Variants in HSPBAP1 observed in about 807,000 individuals in gnomAD.
HSPBAP1 encodes the protein HSPB1 associated protein 1, also known as HSPB1-associated protein 1.
A neutral mutation model predicts 45.2 loss-of-function variants in HSPBAP1; 27 were observed. That is an observed-to-expected ratio of 0.60 (90% CI 0.44 to 0.82). The LOEUF (loss-of-function observed/expected upper bound fraction) is 0.82. Among genes scored for constraint, HSPBAP1 ranks in the 40% least tolerant of loss-of-function variants. HSPBAP1 has a pLI of 0.00. For synonymous variants in HSPBAP1, 204 were observed against 202.7 expected (o/e 1.01, Z -0.06); for missense variants, 510 against 590.9 (o/e 0.86, Z 1.42).
At chr3:122,757,320 C>T (rs1934391646) in intron 4 of HSPBAP1, among the ~76,000 whole-genome samples, 1 of 152,174 alleles carries the variant, frequency 6.6e-6, no homozygotes, top group Admixed American at 6.5e-5. Context: ...CTCCAATGCA[C>T]AACATATACT....
chr3:122,758,105 T>C (rs1446852064), intron 4 of HSPBAP1, among the ~76,000 whole-genome samples: 1 of 151,556 alleles, frequency 6.6e-6, no homozygotes, highest in Non-Finnish European at 1.5e-5. Context: ...CTCCTGAATC[T>C]GCTCATAATC....
At chr3:122,766,038 A>G (rs1412948194) in intron 3 of HSPBAP1, among the ~76,000 whole-genome samples, 1 of 152,234 alleles carries the variant, frequency 6.6e-6, no homozygotes, top group Non-Finnish European at 1.5e-5. Flanking sequence ...TAAACAAACC[A>G]ACAAATTGCA....
At chr3:122,781,709 T>C (rs998967152) in intron 1 of HSPBAP1, among the ~76,000 whole-genome samples, 5 of 152,210 alleles carry the variant, frequency 3.3e-5, no homozygotes, top group African/African-American at 4.8e-5. Flanking sequence ...CACTTATAAG[T>C]GAGAACTTGT....
chr3:122,747,595 C>T (rs1933939752), intron 6 of HSPBAP1, among the ~76,000 whole-genome samples: 1 of 149,452 alleles, frequency 6.7e-6, no homozygotes, highest in Admixed American at 6.6e-5. Flanking sequence ...GGGGTCAGCG[C>T]CCCGCCCGGC....
Position 122,781,437 on chromosome 3 carries a change from C to T in HSPBAP1, c.65-3531G>A, listed in dbSNP as rs1055953352. 5.5e-5 allele frequency among the ~76,000 whole-genome samples: 8 copies of T among 146,312 alleles called. No homozygotes were observed. In the East Asian group the frequency reaches 9.2e-4, roughly 17 times the overall value. ...AGGCGTGGCGGCGCGTGCCTGCAAT[C>T]GCAGGCACTCGGCAGGCTGAGGCAG... On this transcript the variant is annotated intron_variant, in intron 1 of 7. Transcript: ENST00000306103.
chr3:122,754,597 G>T, intron 5 of HSPBAP1: 1 of 983,772 alleles, frequency 1.0e-6, no homozygotes, highest in Non-Finnish European at 1.2e-6. Context: ...TACAATGGAT[G>T]GAAGACAGGC....
intron 4 of HSPBAP1, among the ~76,000 whole-genome samples, chr3:122,758,148 C>T (rs1452462226): frequency 1.3e-5 from 2 of 152,206 alleles, no homozygotes; most frequent in African/African-American, 2.4e-5. Context: ...AGAACTTGCA[C>T]ATGACCTTTT....
chr3:122,758,906 A>G, intron 4 of HSPBAP1: 1 of 370,118 alleles, frequency 2.7e-6, no homozygotes, highest in Non-Finnish European at 5.3e-6. Context: ...CAAAAAAAAA[A>G]AAAAAAAAAA....
intron 1 of HSPBAP1, among the ~76,000 whole-genome samples, chr3:122,783,537 T>C (rs1419289942): frequency 1.3e-5 from 2 of 152,198 alleles, no homozygotes; most frequent in Admixed American, 6.5e-5. Flanking sequence ...GGGAAAAGCA[T>C]ACAAACATGA....
At chr3:122,780,597 C>CG (rs1372619887) in intron 1 of HSPBAP1, among the ~76,000 whole-genome samples, 2 of 143,008 alleles carry the variant, frequency 1.4e-5, no homozygotes, top group Non-Finnish European at 3.0e-5. Flanking sequence ...GCTGGCCGGG[C>CG]GGGGGGCTGA....
intron 6 of HSPBAP1, chr3:122,741,426 T>TA (rs1203293312): frequency 3.5e-6 from 1 of 288,998 alleles, no homozygotes; most frequent in African/African-American, 2.2e-5. Flanking sequence ...GTTTTTTTTT[T>TA]AAAGTACCAC....
In HSPBAP1 at chr3:122,740,281, T is replaced by C; in HGVS notation, c.*64A>G. 1 of 1,010,164 alleles carries C rather than the reference T, an allele frequency of 9.9e-7. No individual in the cohort carries two copies. Among genetic ancestry groups the C allele is most frequent in the Non-Finnish European group, 1.4e-6 (1 of 735,758 alleles). The allele number at this position is 1,010,164 out of a possible 1,614,324, so 62.6% of individuals were successfully genotyped here. A position where few individuals can be genotyped will look rare whatever the true frequency, so the allele number is the denominator to read the frequency against. ...ACCTTTTGCTGGTTCATCTTTATTT[T>C]AGTCATACTACTTAAAAATATATAT... is the stretch of plus-strand genomic sequence containing the variant. On this transcript the variant is annotated 3_prime_UTR_variant, in exon 8 of 8. Coordinates refer to ENST00000306103, the MANE Select transcript of HSPBAP1 (RefSeq NM_024610.6).
intron 6 of HSPBAP1, among the ~76,000 whole-genome samples, chr3:122,742,268 T>C (rs1933697527): frequency 6.6e-6 from 1 of 151,962 alleles, no homozygotes; most frequent in Non-Finnish European, 1.5e-5. Context: ...CACAGTATTA[T>C]ATCACAGTGA....
At chr3:122,779,465 G>A (rs2107533194) in intron 1 of HSPBAP1, among the ~76,000 whole-genome samples, 1 of 147,430 alleles carries the variant, frequency 6.8e-6, no homozygotes, top group East Asian at 2.0e-4. Context: ...TTCTTTCTCT[G>A]CCCGTTAAAC....
chr3:122,750,154 T>C (rs1247532274), intron 6 of HSPBAP1, among the ~76,000 whole-genome samples: 4 of 151,564 alleles, frequency 2.6e-5, no homozygotes, highest in Admixed American at 1.3e-4. Flanking sequence ...TTTGCATTTT[T>C]AGTAGAGATA....
intron 6 of HSPBAP1, among the ~76,000 whole-genome samples, chr3:122,747,758 G>T (rs1374019737): frequency 9.8e-5 from 14 of 142,594 alleles, no homozygotes; most frequent in Non-Finnish European, 1.5e-4. Context: ...GGAGGGAGGT[G>T]GGGGGGTCAG....
intron 2 of HSPBAP1, among the ~76,000 whole-genome samples, chr3:122,772,569 T>G (rs868139073): frequency 2.0e-4 from 31 of 152,166 alleles, no homozygotes; most frequent in African/African-American, 5.8e-4. Context: ...GGAATAAAAT[T>G]TCCAAATTTA....
At chr3:122,764,549 T>C (rs1201490674) in intron 3 of HSPBAP1, among the ~76,000 whole-genome samples, 1 of 152,206 alleles carries the variant, frequency 6.6e-6, no homozygotes, top group African/African-American at 2.4e-5. Flanking sequence ...GATTGGAAAA[T>C]ATCCTGTAGC....
intron 2 of HSPBAP1, 130 bp from the exon 3 acceptor site, chr3:122,769,012 C>G (rs1031300502): frequency 4.5e-6 from 3 of 667,798 alleles, no homozygotes; most frequent in Non-Finnish European, 7.4e-6. Flanking sequence ...TCGTGTTGAG[C>G]CAGGTGTGGT....
Sources: gnomAD v4.1 joint callset for allele counts (sites outside exome capture counted in the v4.1 genomes callset) on GRCh38, gnomAD v4.1.1 for gene constraint, MANE v1.5 for transcripts, NCBI Gene and HGNC (gene_info 2026-07-23, HGNC 2026-07-21) for gene names.